Variants in ATPSCKMT observed in about 807,000 individuals in gnomAD.
ATPSCKMT encodes the protein ATP synthase c subunit lysine N-methyltransferase, also known as ATP synthase subunit C lysine N-methyltransferase.
A neutral mutation model predicts 24.3 loss-of-function variants in ATPSCKMT; 24 were observed. That is an observed-to-expected ratio of 0.99 (90% CI 0.71 to 1.39). ATPSCKMT has a LOEUF of 1.39. ATPSCKMT is among the 40% of genes most tolerant of loss of function. The pLI is 0.00. For missense variants in ATPSCKMT, 311 were observed against 298.4 expected, an observed-to-expected ratio of 1.04 and a Z score of -0.31; for synonymous variants, 95 against 110.5, an observed-to-expected ratio of 0.86 and a Z score of 0.88.
chr5:10,225,840 C>T lies in ATPSCKMT; in HGVS notation c.*1601G>A, dbSNP rs964533960. ...CTCCGAGGCCCCACAGAACCCTCCTCTACCCACATCTTCATGGCAAGGAGC... is the reference window on the plus strand; with the variant it reads ...CTCCGAGGCCCCACAGAACCCTCCTTTACCCACATCTTCATGGCAAGGAGC... On this transcript the variant is annotated 3_prime_UTR_variant, in exon 5 of 5. Transcript: ENST00000511437. Among the ~76,000 whole-genome samples, 5 of 152,174 alleles carry T rather than the reference C, an allele frequency of 3.3e-5. No individual in the cohort carries two copies. The highest frequency in any genetic ancestry group is 7.4e-5 in the Non-Finnish European group (5 of 68,026).
In ATPSCKMT at chr5:10,246,275, C is replaced by CA. The variant is rs1490874748; in HGVS notation, c.16+3582dup. Among the ~76,000 whole-genome samples, 201 of 150,650 alleles carry CA rather than the reference C, an allele frequency of 1.3e-3. 1 individual carries two copies. The highest frequency in any genetic ancestry group is 4.3e-3 in the African/African-American group (175 of 41,086). On this transcript the variant is annotated intron_variant, in intron 1 of 4. Coordinates refer to ENST00000511437, the MANE Select transcript of ATPSCKMT (RefSeq NM_199133.4). ...TGAAACAACAACTCTACTAAAATAC[C>CA]AAAAAAAAATTAGCCAGGCATGGTG...
At chr5:10,235,868 T>C (rs550632726) in intron 3 of ATPSCKMT, among the ~76,000 whole-genome samples, 1 of 152,254 alleles carries the variant, frequency 6.6e-6, no homozygotes, top group South Asian at 2.1e-4. Flanking sequence ...ACATATGGCA[T>C]AAAAAAACAA....
At chr5:10,234,753 C>T (rs972605722) in intron 4 of ATPSCKMT, among the ~76,000 whole-genome samples, 1 of 152,180 alleles carries the variant, frequency 6.6e-6, no homozygotes, top group African/African-American at 2.4e-5. Flanking sequence ...ATATGCCATC[C>T]TCTAGCAAAT....
chr5:10,242,442 G>A (rs1427764551), intron 1 of ATPSCKMT, among the ~76,000 whole-genome samples: 1 of 152,218 alleles, frequency 6.6e-6, no homozygotes, highest in East Asian at 1.9e-4. Flanking sequence ...TCATGGGGTT[G>A]CAGCAACTCA....
intron 1 of ATPSCKMT, among the ~76,000 whole-genome samples, chr5:10,240,095 G>A (rs776477891): frequency 4.0e-5 from 6 of 151,748 alleles, no homozygotes; most frequent in East Asian, 3.9e-4. Context: ...TTAGCCGGGC[G>A]TGGTGGCGGG....
chr5:10,249,779 C>T (rs1325577628), intron 1 of ATPSCKMT, 79 bp downstream of exon 1: 8 of 1,523,918 alleles, frequency 5.2e-6, no homozygotes, highest in South Asian at 3.9e-5. Flanking sequence ...CAGTGGAGAC[C>T]TCAGCTGACC....
intron 1 of ATPSCKMT, among the ~76,000 whole-genome samples, chr5:10,241,954 C>G (rs1194291335): frequency 1.3e-5 from 2 of 152,226 alleles, no homozygotes; most frequent in East Asian, 3.9e-4. Flanking sequence ...TCTGATTTAT[C>G]TTCGAAAAAT....
chr5:10,249,223 C>T (rs1349526030), intron 1 of ATPSCKMT, among the ~76,000 whole-genome samples: 2 of 149,260 alleles, frequency 1.3e-5, no homozygotes, highest in Admixed American at 6.7e-5. Context: ...GAGCCGAGAC[C>T]GCGCCACTGC....
chr5:10,238,994 T>G, intron 2 of ATPSCKMT, 73 bp downstream of exon 2: 1 of 1,519,142 alleles, frequency 6.6e-7, no homozygotes, highest in Non-Finnish European at 8.9e-7. Context: ...AGTCTTTGTG[T>G]AAGCCTTACT....
chr5:10,239,645 TATC>T (rs1187777543), intron 1 of ATPSCKMT, among the ~76,000 whole-genome samples: 1 of 152,216 alleles, frequency 6.6e-6, no homozygotes, highest in Non-Finnish European at 1.5e-5. Context: ...TATTCAAACT[TATC>T]GAGTAATTTA....
chr5:10,229,957 C>T (rs879474895), intron 4 of ATPSCKMT, among the ~76,000 whole-genome samples: 8 of 152,286 alleles, frequency 5.3e-5, no homozygotes, highest in Non-Finnish European at 1.2e-4. Context: ...TTGTATCTTC[C>T]CTTCCACAGT....
chr5:10,236,822 T>C, intron 2 of ATPSCKMT: 21 of 1,478,124 alleles, frequency 1.4e-5, no homozygotes, highest in Non-Finnish European at 1.9e-5. Context: ...TTTCCTTGAT[T>C]GGTTAAAGAC....
At chr5:10,235,139 G>C in intron 4 of ATPSCKMT, 72 bp downstream of exon 4, 1 of 1,387,596 alleles carries the variant, frequency 7.2e-7, no homozygotes, top group East Asian at 2.3e-5. Context: ...ACGGGTGAGT[G>C]GTGGTGTTGT....
intron 4 of ATPSCKMT, among the ~76,000 whole-genome samples, chr5:10,230,407 CTAT>C (rs1387191448): frequency 1.3e-5 from 2 of 152,078 alleles, no homozygotes; most frequent in East Asian, 3.9e-4. Flanking sequence ...ATTCATGATG[CTAT>C]TATTCTTTTC....
rs561046992 is a variant in ATPSCKMT, at chr5:10,232,060, G to A, written c.495+3151C>T. Among the ~76,000 whole-genome samples, 6 of 152,228 alleles carry A rather than the reference G, an allele frequency of 3.9e-5. No individual in the cohort carries two copies. The East Asian group carries it at 5.8e-4, about 15-fold the overall frequency. On this transcript the variant is annotated intron_variant, in intron 4 of 4. Transcript: ENST00000511437. ...CCTGCGAAAACTAAAACCATCAGCC[G>A]GACATGGTGGCACACGCCTGTATTC... is the stretch of plus-strand genomic sequence containing the variant.
intron 3 of ATPSCKMT, chr5:10,236,111 G>A (rs7711596): frequency 4.9e-5 from 8 of 163,846 alleles, no homozygotes; most frequent in South Asian, 1.8e-4. Flanking sequence ...CTAAATATAC[G>A]AATATGCATA....
At chr5:10,243,127 T>C (rs1744724951) in intron 1 of ATPSCKMT, among the ~76,000 whole-genome samples, 2 of 152,220 alleles carry the variant, frequency 1.3e-5, no homozygotes, top group South Asian at 4.1e-4. Flanking sequence ...AGCTTATTCT[T>C]TGAAGCTTTG....
chr5:10,229,519 A>C (rs530979938), intron 4 of ATPSCKMT, among the ~76,000 whole-genome samples: 33 of 152,222 alleles, frequency 2.2e-4, no homozygotes, highest in Non-Finnish European at 4.3e-4. Flanking sequence ...TGCAGTTGCT[A>C]TTTTTGCTTT....
At chr5:10,237,133 T>A in intron 2 of ATPSCKMT, 1 of 826,630 alleles carries the variant, frequency 1.2e-6, no homozygotes, top group South Asian at 1.5e-5. Context: ...TAAAATGAAA[T>A]GAATCCCAAT....
Sources: allele counts gnomAD v4.1 joint callset (sites outside exome capture counted in the v4.1 genomes callset), GRCh38; gene constraint gnomAD v4.1.1; transcripts MANE v1.5; gene names NCBI Gene and HGNC (gene_info 2026-07-23, HGNC 2026-07-21).